Variants in FMNL2 observed in about 807,000 individuals in gnomAD.
FMNL2 encodes the protein formin-like protein 2.
A neutral mutation model predicts 130.2 loss-of-function variants in FMNL2; 51 were observed. The ratio of observed to expected loss-of-function variants is 0.39; its 90% CI spans 0.31 to 0.49. The LOEUF is 0.49. FMNL2 is among the 20% of genes least tolerant of loss of function. The pLI, the probability that FMNL2 is intolerant of heterozygous loss-of-function variation, is 0.85. For synonymous variants in FMNL2, 465 were observed against 467.1 expected (o/e 1.00, Z 0.06); for missense variants, 977 against 1,316.2 (o/e 0.74, Z 3.99).
chr2:152,586,477 C>CGA (rs1473716110), intron 9 of FMNL2, among the ~76,000 whole-genome samples: 10 of 152,154 alleles, frequency 6.6e-5, no homozygotes, highest in Non-Finnish European at 1.2e-4. Context: ...CAGCATCCCT[C>CGA]TGAGTTTAAT....
rs540512833 is a variant in FMNL2, at chr2:152,595,673, G to C, written c.877-11666G>C. ...GTCCCAGACAAATTTGTTTACTTGG[G>C]TGGATTCATTCAGTATGAATTTCTG... On this transcript the variant is annotated intron_variant, in intron 9 of 25. Coordinates refer to ENST00000288670, the MANE Select transcript of FMNL2 (RefSeq NM_052905.4). Among the ~76,000 whole-genome samples, 77 of 152,260 alleles carry C rather than the reference G, an allele frequency of 5.1e-4. 2 individuals are homozygous for C. The highest frequency in any genetic ancestry group is 3.4e-3 in the Middle Eastern group (1 of 294).
At chr2:152,349,074 A>G (rs1025365406) in intron 1 of FMNL2, among the ~76,000 whole-genome samples, 1 of 125,624 alleles carries the variant, frequency 8.0e-6, no homozygotes, top group African/African-American at 3.3e-5. Flanking sequence ...TGACCTCATG[A>G]TCCACCCGCC....
chr2:152,395,782 T>C (rs1405988089), intron 1 of FMNL2, among the ~76,000 whole-genome samples: 1 of 152,084 alleles, frequency 6.6e-6, no homozygotes, highest in African/African-American at 2.4e-5. Context: ...AGTTTGTTCT[T>C]TGGATAATTG....
At position 152,648,003 on chromosome 2, in the gene FMNL2, A is replaced by C. The variant is rs1000138449; in HGVS notation, c.*98A>C. On this transcript the variant is annotated 3_prime_UTR_variant, in exon 26 of 26. Transcript: ENST00000288670. The stretch of plus-strand genomic sequence containing the variant: ...TTTAACTGCAGCCTTGAACACACAC[A>C]AAAATATTCTTAAGGGCTCAGATTT... The C allele has an allele frequency of 3.6e-5, 37 of 1,016,728 alleles. No homozygotes were observed. The East Asian group carries it at 9.2e-4, about 25-fold the overall frequency. 63.0% of individuals were successfully genotyped at this position (1,016,728 alleles called of 1,614,324 possible). A position where few individuals can be genotyped will look rare whatever the true frequency, so the allele number is the denominator to read the frequency against.
chr2:152,363,913 C>G (rs4547483), intron 1 of FMNL2, among the ~76,000 whole-genome samples: 114,565 of 151,734 alleles, frequency 0.76, 44,663 homozygotes, highest in Admixed American at 0.86. Context: ...AGACAATACT[C>G]TACATGAATA....
chr2:152,532,607 T>G (rs201793359), intron 2 of FMNL2, among the ~76,000 whole-genome samples: 1 of 92,606 alleles, frequency 1.1e-5, no homozygotes, highest in African/African-American at 4.0e-5. Flanking sequence ...TAATTTTTTT[T>G]CTTATTTTTT....
chr2:152,578,988 AG>A, intron 8 of FMNL2, 24 bp downstream of exon 8: 2 of 1,591,350 alleles, frequency 1.3e-6, no homozygotes, highest in East Asian at 2.2e-5. Context: ...GTAGTACGCA[AG>A]TCTAAATCTA....
intron 1 of FMNL2, among the ~76,000 whole-genome samples, chr2:152,449,966 C>T (rs1688545114): frequency 6.6e-6 from 1 of 152,162 alleles, no homozygotes; most frequent in African/African-American, 2.4e-5. Context: ...AGGTCATACC[C>T]TATTCCAAAT....
intron 1 of FMNL2, among the ~76,000 whole-genome samples, chr2:152,407,198 G>GTTTTTT (rs57572263): frequency 6.7e-6 from 1 of 148,924 alleles, no homozygotes; most frequent in Non-Finnish European, 1.5e-5. Flanking sequence ...TTCTGTTTTT[G>GTTTTTT]TTTTTTTTTT....
chr2:152,580,990 GT>G lies in FMNL2; in HGVS notation c.820del (p.Cys274ValfsTer30). Reference protein sequence around the residue: ...KALVLELLAAVCLVRGGHEII... With the variant: ...KALVLELLAAXCLVRGGHEII... Reference sequence around the variant, plus strand: ...CCTTGTCTTAGAACTGTTGGCAGCCGTTTGTCTTGTCAGAGGCGGGCATGAA... The same window carrying G: ...CCTTGTCTTAGAACTGTTGGCAGCCGTTGTCTTGTCAGAGGCGGGCATGAA... On this transcript the variant is annotated frameshift_variant, in exon 9 of 26. Transcript: ENST00000288670. LOFTEE classifies it high-confidence loss of function. 2 of 1,613,796 alleles carry G rather than the reference GT, an allele frequency of 1.2e-6. No homozygotes were observed. The highest frequency in any genetic ancestry group is 1.7e-6 in the Non-Finnish European group (2 of 1,179,830).
At chr2:152,570,121 A>G (rs995934926) in intron 6 of FMNL2, among the ~76,000 whole-genome samples, 1 of 152,220 alleles carries the variant, frequency 6.6e-6, no homozygotes, top group Non-Finnish European at 1.5e-5. Flanking sequence ...TTTTATGTAC[A>G]TATAACTATT....
chr2:152,415,257 G>T lies in FMNL2; in HGVS notation c.117+79537G>T, dbSNP rs113977588. Reference sequence around the variant, plus strand: ...GATGGAGGAGTTTTTGAATCATGCAGGTTCTTGGCTCGGAGACAGCATGGT... The same window carrying T: ...GATGGAGGAGTTTTTGAATCATGCATGTTCTTGGCTCGGAGACAGCATGGT... On this transcript the variant is annotated intron_variant, in intron 1 of 25. Transcript: ENST00000288670. 1.4e-4 allele frequency among the ~76,000 whole-genome samples: 22 copies of T among 152,202 alleles called. 1 individual carries two copies. Among genetic ancestry groups the T allele is most frequent in the African/African-American group, 4.8e-4 (20 of 41,518 alleles).
intron 1 of FMNL2, among the ~76,000 whole-genome samples, chr2:152,406,038 G>A (rs190085976): frequency 1.1e-4 from 16 of 152,064 alleles, no homozygotes; most frequent in Admixed American, 9.8e-4. Flanking sequence ...TTTGGGCAAG[G>A]TATATATATC....
rs10584642 is a variant in FMNL2 at position 152,391,908 on chromosome 2, GTTTTT to G, written c.117+56202_117+56206del. On this transcript the variant is annotated intron_variant, in intron 1 of 25. Coordinates refer to ENST00000288670, the MANE Select transcript of FMNL2 (RefSeq NM_052905.4). ...TACAGAAGACTGGGAGCTAGAAGTT[GTTTTT>G]TTTTTTTTTTTTTCAAACCCATATT... 2.7e-5 allele frequency among the ~76,000 whole-genome samples: 3 copies of G among 111,106 alleles called. No individual in the cohort carries two copies. In the South Asian group the frequency reaches 1.2e-3, roughly 45 times the overall value. 72.9% of individuals were successfully genotyped at this position (111,106 alleles called of 152,430 possible).
intron 9 of FMNL2, among the ~76,000 whole-genome samples, chr2:152,591,556 A>C (rs1007956243): frequency 2.0e-5 from 3 of 152,248 alleles, no homozygotes; most frequent in African/African-American, 7.2e-5. Flanking sequence ...CGGTAATCCC[A>C]GCGCCCTGGG....
chr2:152,564,716 G>A (rs1695719824), intron 6 of FMNL2, among the ~76,000 whole-genome samples: 1 of 141,204 alleles, frequency 7.1e-6, no homozygotes, highest in Admixed American at 7.3e-5. Context: ...CTGGGTGACA[G>A]AGCAAGACTC....
At chr2:152,616,920 A>G (rs1698983816) in intron 12 of FMNL2, among the ~76,000 whole-genome samples, 171 bp from the exon 13 acceptor site, 1 of 152,182 alleles carries the variant, frequency 6.6e-6, no homozygotes, top group Non-Finnish European at 1.5e-5. Context: ...TCCTGGTAGA[A>G]GCAAATATGT....
chr2:152,639,308 T>C (rs966538978), intron 23 of FMNL2, among the ~76,000 whole-genome samples: 2 of 152,228 alleles, frequency 1.3e-5, no homozygotes, highest in Non-Finnish European at 2.9e-5. Flanking sequence ...TCTGTGACCT[T>C]CTGCTTCAGC....
chr2:152,442,781 T>C (rs527771567), intron 1 of FMNL2, among the ~76,000 whole-genome samples: 38 of 152,212 alleles, frequency 2.5e-4, no homozygotes, highest in African/African-American at 9.2e-4. Context: ...TGTGAGCAGA[T>C]TTATATTTAA....
Sources: gnomAD v4.1 joint callset for allele counts (sites outside exome capture counted in the v4.1 genomes callset) on GRCh38, gnomAD v4.1.1 for gene constraint, MANE v1.5 for transcripts, NCBI Gene and HGNC (gene_info 2026-07-23, HGNC 2026-07-21) for gene names.